DOCK4: variants seen among roughly 807,000 people sequenced by gnomAD.
The protein encoded by DOCK4 is dedicator of cytokinesis 4.
DOCK4 carries 97 observed loss-of-function variants against 268.1 expected under a neutral mutation model. The ratio of observed to expected loss-of-function variants is 0.36; its 90% CI spans 0.31 to 0.43. DOCK4 has a LOEUF of 0.43. DOCK4 is among the 20% of genes least tolerant of loss of function. DOCK4 has a pLI of 1.00. For synonymous variants in DOCK4, 954 were observed against 887.2 expected, an observed-to-expected ratio of 1.08 and a Z score of -1.34; for missense variants, 2,145 against 2,455.7, an observed-to-expected ratio of 0.87 and a Z score of 2.67.
At chr7:112,091,832 G>T (rs1809659482) in intron 1 of DOCK4, among the ~76,000 whole-genome samples, 1 of 152,086 alleles carries the variant, frequency 6.6e-6, no homozygotes, top group Non-Finnish European at 1.5e-5. Flanking sequence ...CTTTCTGAAG[G>T]CATCAAGAAC....
chr7:112,035,758 A>G (rs771939243), intron 1 of DOCK4, among the ~76,000 whole-genome samples: 10 of 152,112 alleles, frequency 6.6e-5, no homozygotes, highest in Non-Finnish European at 1.0e-4. Context: ...AAAACAAAAC[A>G]AAACCAGTCA....
At chr7:112,057,766 C>T (rs552795959) in intron 1 of DOCK4, among the ~76,000 whole-genome samples, 1 of 151,654 alleles carries the variant, frequency 6.6e-6, no homozygotes, top group South Asian at 2.1e-4. Flanking sequence ...CAGAGCAAGA[C>T]CCTGTCTTTA....
chr7:112,073,081 C>T (rs1230195016), intron 1 of DOCK4, among the ~76,000 whole-genome samples: 1 of 152,030 alleles, frequency 6.6e-6, no homozygotes, highest in Admixed American at 6.6e-5. Context: ...ATCTCTAGGT[C>T]GTCTGCTTGG....
At chr7:112,159,813 A>C (rs184934520) in intron 1 of DOCK4, among the ~76,000 whole-genome samples, 1 of 143,742 alleles carries the variant, frequency 7.0e-6, no homozygotes, top group African/African-American at 2.7e-5. Context: ...CTTATGTATA[A>C]TAATACATAA....
intron 15 of DOCK4, among the ~76,000 whole-genome samples, chr7:111,897,141 C>T (rs1808824340): frequency 1.3e-5 from 2 of 152,084 alleles, no homozygotes; most frequent in East Asian, 1.9e-4. Flanking sequence ...CCCTTTTCCC[C>T]CTCCATCTCA....
intron 30 of DOCK4, among the ~76,000 whole-genome samples, chr7:111,802,305 G>A (rs1280024049): frequency 2.0e-5 from 3 of 152,154 alleles, no homozygotes; most frequent in Non-Finnish European, 4.4e-5. Flanking sequence ...CACAAATTCT[G>A]AGATTAACAG....
chr7:111,747,909 G>A (rs986065957), intron 42 of DOCK4, among the ~76,000 whole-genome samples: 7 of 152,022 alleles, frequency 4.6e-5, no homozygotes, highest in Non-Finnish European at 1.0e-4. Context: ...TGGGAAGATG[G>A]GACATATGCC....
intron 1 of DOCK4, among the ~76,000 whole-genome samples, chr7:112,020,284 G>T (rs1280845233): frequency 6.6e-6 from 1 of 152,066 alleles, no homozygotes; most frequent in Non-Finnish European, 1.5e-5. Context: ...AAATCTAGTT[G>T]GGTCCTGCTA....
chr7:112,185,811 A>C (rs186653547), intron 1 of DOCK4, among the ~76,000 whole-genome samples: 13 of 152,324 alleles, frequency 8.5e-5, no homozygotes, highest in African/African-American at 3.1e-4. Context: ...GCACAGTCTT[A>C]AACTGCCTTT....
intron 16 of DOCK4, among the ~76,000 whole-genome samples, chr7:111,890,100 G>A (rs781255741): frequency 1.6e-4 from 24 of 152,156 alleles, no homozygotes; most frequent in Non-Finnish European, 4.4e-5. Flanking sequence ...GGGGACTTGA[G>A]CACATAGTTA....
chr7:111,840,603 C>T (rs564670279), intron 25 of DOCK4, among the ~76,000 whole-genome samples: 1 of 151,830 alleles, frequency 6.6e-6, no homozygotes, highest in Non-Finnish European at 1.5e-5. Context: ...AAGTACAATC[C>T]TTTTAAATTT....
rs1437196728 is a variant in DOCK4 at position 112,066,705 on chromosome 7, A to G, written c.38-62574T>C. On this transcript the variant is annotated intron_variant, in intron 1 of 52. Transcript: ENST00000428084. ...TATACATATACATATATATATATAT[A>G]TATATATATATATATATATATATAT... 7.0e-3 allele frequency among the ~76,000 whole-genome samples: 408 copies of G among 58,618 alleles called. 8 individuals are homozygous for G. Among genetic ancestry groups the G allele is most frequent in the East Asian group, 0.026 (67 of 2,594 alleles). The allele number at this position is 58,618 out of a possible 152,430, so 38.5% of individuals were successfully genotyped here.
intron 1 of DOCK4, among the ~76,000 whole-genome samples, chr7:112,180,425 C>T (rs1818922760): frequency 6.6e-6 from 1 of 152,192 alleles, no homozygotes. Context: ...TGCCATCTGC[C>T]AGGCAGATCA....
chr7:112,159,684 T>C (rs192705457), intron 1 of DOCK4, among the ~76,000 whole-genome samples: 13 of 152,068 alleles, frequency 8.5e-5, no homozygotes, highest in Middle Eastern at 3.5e-3. Context: ...GCTTTCCCTA[T>C]CCCAATAACA....
chr7:111,762,762 CTTTTTTTTTTTTTTT>C, intron 39 of DOCK4, among the ~76,000 whole-genome samples: 1 of 63,074 alleles, frequency 1.6e-5, no homozygotes, highest in African/African-American at 5.4e-5. Flanking sequence ...GTTTTGTTTT[CTTTTTTTTTTTTTTT>C]TTTTTTTTTG....
chr7:111,731,002 C>T (rs1307515674), intron 52 of DOCK4, among the ~76,000 whole-genome samples: 3 of 152,098 alleles, frequency 2.0e-5, no homozygotes, highest in Non-Finnish European at 4.4e-5. Context: ...TCCATAGCAA[C>T]GTGTGGGAGC....
intron 36 of DOCK4, among the ~76,000 whole-genome samples, chr7:111,776,515 C>T (rs1353212010): frequency 2.0e-5 from 3 of 152,028 alleles, no homozygotes; most frequent in Non-Finnish European, 2.9e-5. Context: ...AGAAGTTGAA[C>T]AAAAATGAAC....
At chr7:111,741,744 C>T in intron 45 of DOCK4, 83 bp from the exon 46 acceptor site, 1 of 1,502,988 alleles carries the variant, frequency 6.7e-7, no homozygotes, top group Non-Finnish European at 8.9e-7. Flanking sequence ...ATACTAGGCA[C>T]ACATCCTAAT....
intron 1 of DOCK4, among the ~76,000 whole-genome samples, chr7:112,178,452 C>G (rs1402197790): frequency 6.6e-6 from 1 of 152,144 alleles, no homozygotes. Context: ...ACAGCCCCTG[C>G]TCCAAAGACT....
Sources: allele counts gnomAD v4.1 joint callset (sites outside exome capture counted in the v4.1 genomes callset), GRCh38; gene constraint gnomAD v4.1.1; transcripts MANE v1.5; gene names NCBI Gene and HGNC (gene_info 2026-07-23, HGNC 2026-07-21).